MAGT1: variants seen among roughly 807,000 people sequenced by gnomAD.
MAGT1 encodes magnesium transporter 1.
MAGT1 carries 4 observed loss-of-function variants against 28.4 expected under a neutral mutation model. That is an observed-to-expected ratio of 0.14 (90% CI 0.07 to 0.32). MAGT1 has a LOEUF of 0.32. Among genes scored for constraint, MAGT1 ranks in the 10% least tolerant of loss-of-function variants. The probability of loss-of-function intolerance (pLI) is 1.00; values close to 1 mark genes in which losing one functional copy is unlikely to be tolerated. For missense variants in MAGT1, 193 were observed against 264.5 expected, an observed-to-expected ratio of 0.73 and a Z score of 1.88; for synonymous variants, 89 against 89.7, an observed-to-expected ratio of 0.99 and a Z score of 0.04.
intron 8 of MAGT1, among the ~76,000 whole-genome samples, chrX:77,838,012 T>C (rs2076924320): frequency 8.9e-6 from 1 of 112,239 alleles, no homozygotes; most frequent in South Asian, 3.7e-4. Context: ...GTGTTGGGAT[T>C]TACAGGTGTG....
chrX:77,834,616 G>A (rs1010956849), intron 8 of MAGT1, among the ~76,000 whole-genome samples: 1 of 110,396 alleles, frequency 9.1e-6, no homozygotes, highest in Non-Finnish European at 1.9e-5. Context: ...TTACAGGTGT[G>A]AGTCACTGTG....
intron 1 of MAGT1, among the ~76,000 whole-genome samples, chrX:77,884,123 G>A (rs182589834): frequency 1.8e-5 from 2 of 111,368 alleles, no homozygotes; most frequent in Non-Finnish European, 3.8e-5. Flanking sequence ...AACCTGGGAG[G>A]TGGAGGTTGC....
Position 77,829,162 on chromosome X carries a change from C to G in MAGT1, c.*58G>C. Reference sequence around the variant, plus strand: ...AGTTGCATTCTTCTTTTCAAACACACACGATTTTCGTTTTTCAATTTCCAG... The same window carrying G: ...AGTTGCATTCTTCTTTTCAAACACAGACGATTTTCGTTTTTCAATTTCCAG... On this transcript the variant is annotated 3_prime_UTR_variant, in exon 10 of 10. Coordinates refer to ENST00000618282, the MANE Select transcript of MAGT1 (RefSeq NM_001367916.1). 1 of 1,009,084 alleles carries G rather than the reference C, an allele frequency of 9.9e-7. No homozygotes were observed. Among genetic ancestry groups the G allele is most frequent in the South Asian group, 2.0e-5 (1 of 51,198 alleles). 83.2% of individuals were successfully genotyped at this position (1,009,084 alleles called of 1,213,427 possible).
intron 1 of MAGT1, among the ~76,000 whole-genome samples, chrX:77,879,855 TAGA>T (rs1161344037): frequency 9.8e-6 from 1 of 102,036 alleles, no homozygotes; most frequent in Non-Finnish European, 2.0e-5. Flanking sequence ...TTTTTTTTTT[TAGA>T]CAGAGTCTCA....
chrX:77,855,534 T>C lies in MAGT1; in HGVS notation c.729A>G (p.Pro243=), dbSNP rs2076979365. Residue 243 remains proline (P), a synonymous_variant, in exon 6 of 10, where the codon CCA becomes CCG. Transcript: ENST00000618282. ...CCGTGTGGGGATTCTTATGGGCATA[T>C]GGTGGTCCTCTTATATGGTTCCACA... The part of the protein sequence containing the change: ...GQMWNHIRGP[P]YAHKNPHTGH... 1.7e-6 allele frequency: 2 copies of C among 1,208,995 alleles called. No individual in the cohort carries two copies. Among genetic ancestry groups the C allele is most frequent in the Non-Finnish European group, 2.2e-6 (2 of 893,155 alleles).
At chrX:77,850,343 G>A (rs1445997920) in intron 7 of MAGT1, among the ~76,000 whole-genome samples, 1 of 108,614 alleles carries the variant, frequency 9.2e-6, no homozygotes, top group Non-Finnish European at 1.9e-5. Flanking sequence ...AGGTGAGGTG[G>A]TGCACACTTG....
At chrX:77,840,389 T>C (rs1347539767) in intron 8 of MAGT1, among the ~76,000 whole-genome samples, 1 of 108,263 alleles carries the variant, frequency 9.2e-6, no homozygotes, top group East Asian at 2.9e-4. Context: ...TGAGCCGAGA[T>C]TGCACCACTG....
chrX:77,875,843 C>T (rs781810517), intron 1 of MAGT1, among the ~76,000 whole-genome samples: 58 of 109,698 alleles, frequency 5.3e-4, no homozygotes, highest in Admixed American at 6.0e-4. Flanking sequence ...AATGAATAAA[C>T]GAATGAATGA....
intron 7 of MAGT1, among the ~76,000 whole-genome samples, chrX:77,850,483 AAGG>A (rs1569547967): frequency 3.3e-4 from 7 of 21,436 alleles, no homozygotes; most frequent in Non-Finnish European, 1.4e-4. Context: ...TCAAAAAAAA[AAGG>A]GGGGGGGGGT....
At position 77,895,399 on chromosome X, in the gene MAGT1, A is replaced by C. The variant is rs923058035; in HGVS notation, c.12T>G (p.Arg4=). The change falls in exon 1 of 10, where the codon CGT becomes CGG. Residue 4 remains arginine (R), a synonymous_variant. Coordinates refer to ENST00000618282, the MANE Select transcript of MAGT1 (RefSeq NM_001367916.1). MAA[R]WRFWCVSVTM... The stretch of plus-strand genomic sequence containing the variant: ...TCACAGAGACACACCAAAACCGCCA[A>C]CGCGCTGCCATGTTCGCTCCTCTCC... The C allele has an allele frequency of 5.0e-6, 6 of 1,211,654 alleles. No homozygotes were observed. The highest frequency in any genetic ancestry group is 5.6e-6 in the Non-Finnish European group (5 of 895,411).
rs781911390 is a variant in MAGT1, at chrX:77,888,969, ATATTATTAT to A, written c.102+6331_102+6339del. On this transcript the variant is annotated intron_variant, in intron 1 of 9. Transcript: ENST00000618282. Reference sequence around the variant, plus strand: ...TTATTTTAAAATACACAACTACATTATATTATTATTATTATTATTATTTTGGGACAGGGT... The same window carrying A: ...TTATTTTAAAATACACAACTACATTATATTATTATTATTTTGGGACAGGGT... Among the ~76,000 whole-genome samples, 370 of 107,920 alleles carry A rather than the reference ATATTATTAT, an allele frequency of 3.4e-3. 3 individuals are homozygous for A. The highest frequency in any genetic ancestry group is 0.012 in the African/African-American group (350 of 29,738). The allele number at this position is 107,920 out of a possible 115,157, so 93.7% of individuals were successfully genotyped here.
At chrX:77,887,861 G>T (rs375651647) in intron 1 of MAGT1, among the ~76,000 whole-genome samples, 1 of 112,302 alleles carries the variant, frequency 8.9e-6, no homozygotes, top group East Asian at 2.8e-4. Context: ...AGGCTGGAGT[G>T]CAGTGGCACG....
intron 1 of MAGT1, among the ~76,000 whole-genome samples, chrX:77,878,346 G>A (rs1409617900): frequency 2.0e-5 from 2 of 97,936 alleles, no homozygotes; most frequent in African/African-American, 7.4e-5. Flanking sequence ...GGTGGTGCAC[G>A]CCTGTAATCC....
chrX:77,876,160 A>T (rs868915323), intron 1 of MAGT1, among the ~76,000 whole-genome samples: 10 of 32,168 alleles, frequency 3.1e-4, no homozygotes, highest in Non-Finnish European at 5.5e-4. Context: ...ATATATATAT[A>T]TATATTTTTT....
At chrX:77,865,376 G>A (rs1420652170) in intron 3 of MAGT1, among the ~76,000 whole-genome samples, 3 of 110,298 alleles carry the variant, frequency 2.7e-5, no homozygotes, top group Non-Finnish European at 5.7e-5. Context: ...TACAAGCTCC[G>A]CCTCCCGGGT....
chrX:77,872,891 T>C (rs1557217429), intron 2 of MAGT1, among the ~76,000 whole-genome samples: 1 of 112,425 alleles, frequency 8.9e-6, no homozygotes, highest in Non-Finnish European at 1.9e-5. Flanking sequence ...AACTACAGTA[T>C]AATTCATGTT....
chrX:77,846,226 G>A (rs782002649), intron 7 of MAGT1, among the ~76,000 whole-genome samples: 6 of 111,650 alleles, frequency 5.4e-5, no homozygotes, highest in Non-Finnish European at 1.1e-4. Context: ...TGATCGAATC[G>A]GCTACTGAGG....
chrX:77,836,524 A>C (rs1297497030), intron 8 of MAGT1, among the ~76,000 whole-genome samples: 1 of 111,964 alleles, frequency 8.9e-6, no homozygotes, highest in Non-Finnish European at 1.9e-5. Context: ...CCTACTATGT[A>C]CCCACAAAAA....
intron 7 of MAGT1, among the ~76,000 whole-genome samples, chrX:77,843,792 G>A (rs1023329762): frequency 6.3e-5 from 7 of 111,622 alleles, no homozygotes; most frequent in Non-Finnish European, 1.3e-4. Context: ...CCATTAACTC[G>A]TCATTTAACA....
Sources: gnomAD v4.1 joint callset for allele counts (sites outside exome capture counted in the v4.1 genomes callset) on GRCh38, gnomAD v4.1.1 for gene constraint, MANE v1.5 for transcripts, NCBI Gene and HGNC (gene_info 2026-07-23, HGNC 2026-07-21) for gene names.